Variants in CLEC4E observed in about 807,000 individuals in gnomAD.
The protein encoded by CLEC4E is C-type (calcium dependent, carbohydrate-recognition domain) lectin, superfamily member 9.
In CLEC4E, 21 loss-of-function variants were observed where a neutral mutation model predicts 24.7. That is an observed-to-expected ratio of 0.85 (90% CI 0.60 to 1.22). The LOEUF is 1.22. Among genes scored for constraint, CLEC4E ranks in the 50% most tolerant of loss-of-function variants. CLEC4E has a pLI of 0.00. For synonymous variants in CLEC4E, 94 were observed against 85.7 expected (o/e 1.10, Z -0.54); for missense variants, 249 against 254.1 (o/e 0.98, Z 0.14).
rs191958834 is a variant in CLEC4E, at chr12:8,536,271, A to G, written c.373-66T>C. The G allele has an allele frequency of 3.8e-5, 35 of 932,696 alleles. No homozygotes were observed. The African/African-American group carries it at 4.6e-4, about 12-fold the overall frequency. 57.8% of individuals were successfully genotyped at this position (932,696 alleles called of 1,614,324 possible). ...TTTTGAATAAACGTTGCTAGTAATT[A>G]TTATTCAAAGAGGTAAGAATCTGGA... On this transcript the variant is annotated intron_variant, in intron 4 of 5. Coordinates refer to ENST00000299663, the MANE Select transcript of CLEC4E (RefSeq NM_014358.4).
At chr12:8,535,227 T>C (rs765067797) in intron 5 of CLEC4E, among the ~76,000 whole-genome samples, 2 of 152,216 alleles carry the variant, frequency 1.3e-5, no homozygotes, top group Non-Finnish European at 2.9e-5. Flanking sequence ...TGTTACAGTG[T>C]GGTAGTGAAG....
rs773807704 is a variant in CLEC4E at position 8,540,812 on chromosome 12, TG to T, written c.-16del. 6.4e-7 allele frequency: 1 copy of T among 1,558,804 alleles called. No homozygotes were observed. The highest frequency in any genetic ancestry group is 8.8e-7 in the Non-Finnish European group (1 of 1,141,468). Reference sequence around the variant, plus strand: ...GATGAATTCATTTTTTCTCTCTCTTTGGTTTTTTGTTTCTCTCTCTCTCTTT... The same window carrying T: ...GATGAATTCATTTTTTCTCTCTCTTTGTTTTTTGTTTCTCTCTCTCTCTTT... On this transcript the variant is annotated 5_prime_UTR_variant, in exon 1 of 6. Transcript: ENST00000299663.
rs917616435 is a variant in CLEC4E, at chr12:8,534,107, A to G, written c.*531T>C. 1 of 152,426 alleles carries G rather than the reference A, an allele frequency of 6.6e-6. No individual in the cohort carries two copies. The highest frequency in any genetic ancestry group is 2.1e-4 in the South Asian group (1 of 4,844). 9.4% of individuals were successfully genotyped at this position (152,426 alleles called of 1,614,324 possible). A position where few individuals can be genotyped will look rare whatever the true frequency, so the allele number is the denominator to read the frequency against. On this transcript the variant is annotated 3_prime_UTR_variant, in exon 6 of 6. Transcript: ENST00000299663. ...GTGGAGGCCTGTAGCCAGAAAGGCC[A>G]CACCGGTATTCTGAGCAGGAATAAG...
intron 2 of CLEC4E, 123 bp downstream of exon 2, chr12:8,539,731 GA>G (rs76741365): frequency 0.018 from 10,182 of 563,930 alleles, 124 homozygotes; most frequent in East Asian, 0.091. Flanking sequence ...GATTAATAGG[GA>G]AAAAAAAAAG....
rs748353394 is a variant in CLEC4E at position 8,534,604 on chromosome 12, C to T, written c.*34G>A. On this transcript the variant is annotated 3_prime_UTR_variant, in exon 6 of 6. Coordinates refer to ENST00000299663, the MANE Select transcript of CLEC4E (RefSeq NM_014358.4). The stretch of plus-strand genomic sequence containing the variant: ...TGGGTGTGGCCATGTTCTTGCTCTT[C>T]CTTCTTTACACATTTGAGTTGTGCC... 3 of 1,571,762 alleles carry T rather than the reference C, an allele frequency of 1.9e-6. No individual in the cohort carries two copies. Among genetic ancestry groups the T allele is most frequent in the Non-Finnish European group, 2.6e-6 (3 of 1,151,294 alleles).
In CLEC4E at chr12:8,539,224, A is replaced by G. The variant is rs150324510; in HGVS notation, c.213T>C (p.Tyr71=). 8.7e-6 allele frequency: 14 copies of G among 1,607,542 alleles called. No individual in the cohort carries two copies. The highest frequency in any genetic ancestry group is 1.2e-5 in the Non-Finnish European group (14 of 1,174,226). Residue 71 remains tyrosine (Y), a synonymous_variant, in exon 3 of 6, where the codon TAT becomes TAC. Transcript: ENST00000299663. ...CCTTTGGGACTATTATACCTGATCC[A>G]TAATTGTAGCAGGAGAGCTCTGTGA... ...ENFTELSCYN[Y]GSGSVKNCCP... is the part of the protein sequence containing the mutation.
In CLEC4E at chr12:8,540,768, T is replaced by C; in HGVS notation, c.30A>G (p.Gln10=). Reference sequence around the variant, plus strand: ...AAGAGTTGCAGATTTTACCTGTGCATTGTGTTTCAGATGATTTAGATGAAT... The same window carrying C: ...AAGAGTTGCAGATTTTACCTGTGCACTGTGTTTCAGATGATTTAGATGAAT... The part of the protein sequence containing the change: MNSSKSSET[Q]CTERGCFSSQ... The change falls in exon 1 of 6, where the codon CAA becomes CAG. Residue 10 remains glutamine (Q), a synonymous_variant. Coordinates refer to ENST00000299663, the MANE Select transcript of CLEC4E (RefSeq NM_014358.4). The C allele has an allele frequency of 6.2e-7, 1 of 1,609,892 alleles. No homozygotes were observed. The highest frequency in any genetic ancestry group is 8.5e-7 in the Non-Finnish European group (1 of 1,176,432).
chr12:8,538,956 G>A (rs1014298602), intron 3 of CLEC4E: 26 of 408,542 alleles, frequency 6.4e-5, no homozygotes, highest in Admixed American at 2.6e-4. Context: ...TGAAAAAAAA[G>A]GTACACTCCT....
In CLEC4E at chr12:8,537,249, A is replaced by C; in HGVS notation, c.238T>G (p.Cys80Gly). The change falls in exon 4 of 6, where the codon TGT (cysteine) becomes GGT (glycine). Residue 80 changes from cysteine to glycine, a missense_variant. Transcript: ENST00000299663. ...TGAAAATATTCCCAGTTCAATGGAC[A>C]ACAATTCTTGACTGAACCTAGGATG... ...NYGSGSVKNCCPLNWEYFQSS... is the reference protein window; with the variant it reads ...NYGSGSVKNCGPLNWEYFQSS... 6.2e-7 allele frequency: 1 copy of C among 1,613,726 alleles called. No individual in the cohort carries two copies. The highest frequency in any genetic ancestry group is 1.1e-5 in the South Asian group (1 of 91,060).
Position 8,533,524 on chromosome 12 carries a change from AAAG to A in CLEC4E, c.*1111_*1113del, listed in dbSNP as rs1476796820. 3 of 152,390 alleles carry A rather than the reference AAAG, an allele frequency of 2.0e-5. No homozygotes were observed. Among genetic ancestry groups the A allele is most frequent in the East Asian group, 1.9e-4 (1 of 5,196 alleles). The allele number at this position is 152,390 out of a possible 1,614,324, so 9.4% of individuals were successfully genotyped here. On this transcript the variant is annotated 3_prime_UTR_variant, in exon 6 of 6. Transcript: ENST00000299663. ...CCATGGAATACTAAGCAGCCTTAAAAAAGAAGATTATGTCTTTTGTGGGAACAT... is the reference window on the plus strand; with the variant it reads ...CCATGGAATACTAAGCAGCCTTAAAAAAGATTATGTCTTTTGTGGGAACAT...
intron 1 of CLEC4E, among the ~76,000 whole-genome samples, chr12:8,540,195 C>T (rs1241758466): frequency 6.6e-6 from 1 of 152,182 alleles, no homozygotes; most frequent in South Asian, 2.1e-4. Flanking sequence ...GGGGCTACTG[C>T]TGCTGCTGGT....
intron 1 of CLEC4E, 122 bp downstream of exon 1, chr12:8,540,639 C>T: frequency 1.2e-6 from 1 of 851,126 alleles, no homozygotes. Context: ...CTCTCTTCCT[C>T]TGTCCCCCCA....
rs373912455 is a variant in CLEC4E at position 8,534,659 on chromosome 12, C to G, written c.639G>C (p.Leu213Phe). The change falls in exon 6 of 6, where the codon TTG becomes TTC. Residue 213 changes from leucine to phenylalanine, a missense_variant. Coordinates refer to ENST00000299663, the MANE Select transcript of CLEC4E (RefSeq NM_014358.4). Reference sequence around the variant, plus strand: ...GTTCTTAAAGAGATTTTCCTTTGTTCAAAGGATTTATTCCTACCATTTCAC... The same window carrying G: ...GTTCTTAAAGAGATTTTCCTTTGTTGAAAGGATTTATTCCTACCATTTCAC... ...RICEMVGINP[L>F]NKGKSL The G allele has an allele frequency of 1.2e-5, 20 of 1,612,910 alleles. No individual in the cohort carries two copies. Among genetic ancestry groups the G allele is most frequent in the Non-Finnish European group, 2.5e-6 (3 of 1,179,562 alleles).
intron 3 of CLEC4E, 46 bp from the exon 4 acceptor site, chr12:8,537,312 A>C: frequency 6.3e-7 from 1 of 1,575,988 alleles, no homozygotes; most frequent in Non-Finnish European, 8.7e-7. Flanking sequence ...GAACCGAATA[A>C]GAAAACCCAA....
chr12:8,536,401 TA>T (rs1250882264), intron 4 of CLEC4E, among the ~76,000 whole-genome samples, 196 bp from the exon 5 acceptor site: 2 of 152,012 alleles, frequency 1.3e-5, no homozygotes, highest in Non-Finnish European at 2.9e-5. Context: ...ACTAAAAGTA[TA>T]AAAAAATTTG....
Position 8,533,624 on chromosome 12 carries a change from T to C in CLEC4E, c.*1014A>G, listed in dbSNP as rs2136395378. 6.6e-6 allele frequency: 1 copy of C among 152,288 alleles called. No homozygotes were observed. The highest frequency in any genetic ancestry group is 2.1e-4 in the South Asian group (1 of 4,826). The allele number at this position is 152,288 out of a possible 1,614,324, so 9.4% of individuals were successfully genotyped here. On this transcript the variant is annotated 3_prime_UTR_variant, in exon 6 of 6. Coordinates refer to ENST00000299663, the MANE Select transcript of CLEC4E (RefSeq NM_014358.4). ...ACCAAATACTGCATGTCCTCACTTA[T>C]AAGTGGGAGCTAAATGATGAGAATT...
At chr12:8,539,006 A>T (rs1213834571) in intron 3 of CLEC4E, 1 of 488,098 alleles carries the variant, frequency 2.0e-6, no homozygotes, top group East Asian at 3.2e-5. Flanking sequence ...CTGTTCAGAC[A>T]TACCCCTCAA....
At chr12:8,538,399 C>T (rs1439749969) in intron 3 of CLEC4E, among the ~76,000 whole-genome samples, 1 of 152,262 alleles carries the variant, frequency 6.6e-6, no homozygotes, top group Non-Finnish European at 1.5e-5. Context: ...CTCTCCCTCT[C>T]TGCCTCGGCT....
chr12:8,539,554 G>A (rs1175897833), intron 2 of CLEC4E, among the ~76,000 whole-genome samples: 1 of 152,064 alleles, frequency 6.6e-6, no homozygotes, highest in Non-Finnish European at 1.5e-5. Flanking sequence ...AAGCTCTAAG[G>A]CAGACTCTCC....
Sources: allele counts gnomAD v4.1 joint callset (sites outside exome capture counted in the v4.1 genomes callset), GRCh38; gene constraint gnomAD v4.1.1; transcripts MANE v1.5; gene names NCBI Gene and HGNC (gene_info 2026-07-23, HGNC 2026-07-21).